The following KSR1 variants were observed in gnomAD, a reference collection of about 807,000 sequenced individuals.
The protein encoded by KSR1 is kinase suppressor of ras.
A neutral mutation model predicts 92.9 loss-of-function variants in KSR1; 35 were observed. The observed-to-expected ratio is 0.38, with a 90% CI of 0.29 to 0.50. The LOEUF (loss-of-function observed/expected upper bound fraction) is 0.50, where lower values mean the gene tolerates loss of function less well. KSR1 is among the 20% of genes least tolerant of loss of function. KSR1 has a pLI of 0.94. For missense variants in KSR1, 972 were observed against 1,158.5 expected (o/e 0.84, Z 2.34); for synonymous variants, 467 against 472.6 (o/e 0.99, Z 0.15).
chr17:27,536,451 C>T lies in KSR1; in HGVS notation c.232-14117C>T, dbSNP rs72847763. 3.7e-3 allele frequency among the ~76,000 whole-genome samples: 563 copies of T among 152,316 alleles called. 2 individuals carry two copies. The highest frequency in any genetic ancestry group is 0.014 in the Middle Eastern group (4 of 294). On this transcript the variant is annotated intron_variant, in intron 1 of 20. Transcript: ENST00000644974. Reference sequence around the variant, plus strand: ...TAACTAAATTACCTTTTGTTCTCATCGTTTGCTGAATTGCAGTGCTTCTTA... The same window carrying T: ...TAACTAAATTACCTTTTGTTCTCATTGTTTGCTGAATTGCAGTGCTTCTTA...
At chr17:27,570,682 G>A (rs1318893963) in intron 2 of KSR1, among the ~76,000 whole-genome samples, 2 of 152,192 alleles carry the variant, frequency 1.3e-5, no homozygotes, top group Non-Finnish European at 2.9e-5. Context: ...TGGGACAGCT[G>A]TGAGTTTGGG....
At chr17:27,477,046 C>G (rs2068368173) in intron 1 of KSR1, among the ~76,000 whole-genome samples, 1 of 152,196 alleles carries the variant, frequency 6.6e-6, no homozygotes, top group Admixed American at 6.5e-5. Flanking sequence ...ATTATTCATG[C>G]CTCACCTTTT....
rs888277704 is a variant in KSR1, at chr17:27,608,960, A to G, written c.2092-236A>G. ...CATGGTTGTTTAGAAGCATGGTAACATTAAAAGAGCATAGACCGGTCTGGG... is the reference window on the plus strand; with the variant it reads ...CATGGTTGTTTAGAAGCATGGTAACGTTAAAAGAGCATAGACCGGTCTGGG... On this transcript the variant is annotated intron_variant, in intron 15 of 20. Transcript: ENST00000644974. Among the ~76,000 whole-genome samples, 4 of 152,236 alleles carry G rather than the reference A, an allele frequency of 2.6e-5. No individual in the cohort carries two copies. The South Asian group carries it at 8.3e-4, about 31-fold the overall frequency.
chr17:27,609,909 G>C (rs574755361), intron 16 of KSR1, 158 bp from the exon 17 acceptor site: 1 of 819,294 alleles, frequency 1.2e-6, no homozygotes, highest in Non-Finnish European at 1.9e-6. Flanking sequence ...AAAAGCACCG[G>C]TGCCTTTCCC....
chr17:27,611,405 T>C (rs1364472912), intron 17 of KSR1, 89 bp from the exon 18 acceptor site: 1 of 1,558,930 alleles, frequency 6.4e-7, no homozygotes, highest in Non-Finnish European at 8.8e-7. Context: ...AGGGTCCTGA[T>C]CCTCTGGCTG....
At chr17:27,594,013 C>G (rs964561172) in intron 9 of KSR1, among the ~76,000 whole-genome samples, 3 of 152,090 alleles carry the variant, frequency 2.0e-5, no homozygotes, top group Non-Finnish European at 4.4e-5. Context: ...GGCTCCAGCT[C>G]CCAGTACCAC....
chr17:27,535,872 A>C (rs572707107), intron 1 of KSR1, among the ~76,000 whole-genome samples: 1 of 152,320 alleles, frequency 6.6e-6, no homozygotes, highest in East Asian at 1.9e-4. Flanking sequence ...GGTAGGAGTC[A>C]GGGCTGAGTT....
intron 9 of KSR1, among the ~76,000 whole-genome samples, chr17:27,596,195 C>T (rs1194565071): frequency 6.6e-6 from 1 of 152,220 alleles, no homozygotes; most frequent in Non-Finnish European, 1.5e-5. Context: ...TAAGCTTCAT[C>T]TGGTTATCAC....
rs563131445 is a variant in KSR1 at position 27,577,633 on chromosome 17, G to A, written c.514G>A (p.Gly172Ser). 1 of 1,570,414 alleles carries A rather than the reference G, an allele frequency of 6.4e-7. No individual in the cohort carries two copies. The highest frequency in any genetic ancestry group is 8.6e-7 in the Non-Finnish European group (1 of 1,163,698). The change falls in exon 3 of 21, where the codon GGC (glycine) becomes AGC (serine). Residue 172 changes from glycine (G) to serine (S), a missense_variant. This residue lies in a region of KSR1 where 611 missense variants were observed against 668.0 expected (regional missense o/e 0.91). Transcript: ENST00000644974. The surrounding 1 kb of genome is among the most constrained non-coding windows in gnomAD (Gnocchi z 4.5). ...YALTCLRKVTGLGGEHKEDSS... is the reference protein window; with the variant it reads ...YALTCLRKVTSLGGEHKEDSS... ...CCTCACCTGCCTGCGGAAGGTGACAGGCCTGGGTACGTGGGGCCTGCCACC... is the reference window on the plus strand; with the variant it reads ...CCTCACCTGCCTGCGGAAGGTGACAAGCCTGGGTACGTGGGGCCTGCCACC...
At chr17:27,599,777 C>T (rs745542461) in intron 10 of KSR1, among the ~76,000 whole-genome samples, 4 of 152,306 alleles carry the variant, frequency 2.6e-5, no homozygotes, top group Non-Finnish European at 5.9e-5. Flanking sequence ...TTTGTAATAA[C>T]ACTTAGCCCA....
At position 27,456,707 on chromosome 17, in the gene KSR1, G is replaced by T. The variant is rs758194810; in HGVS notation, c.64G>T (p.Asp22Tyr). Reference sequence around the variant, plus strand: ...GAAGAAGGAGGGCGGTGGCGGGGGGGATGCGGCGGCCGCGGAGGGAGGCGC... The same window carrying T: ...GAAGAAGGAGGGCGGTGGCGGGGGGTATGCGGCGGCCGCGGAGGGAGGCGC... ...GEKKEGGGGG[D>Y]AAAAEGGAGA... Residue 22 changes from aspartate to tyrosine, a missense_variant, in exon 1 of 21, where the codon GAT becomes TAT. Physicochemically the swap from Asp to Tyr is radical, Grantham distance 160. Around this residue, in one of 5 missense-constraint regions of KSR1, gnomAD observed 36 missense variants for 16.0 expected, o/e 2.25. Transcript: ENST00000644974. The T allele has an allele frequency of 3.4e-6, 3 of 876,552 alleles. No individual in the cohort carries two copies. The highest frequency in any genetic ancestry group is 3.7e-6 in the Non-Finnish European group (2 of 546,754). 54.3% of individuals were successfully genotyped at this position (876,552 alleles called of 1,614,324 possible). A position where few individuals can be genotyped will look rare whatever the true frequency, so the allele number is the denominator to read the frequency against.
intron 1 of KSR1, among the ~76,000 whole-genome samples, chr17:27,500,574 A>C (rs2069143135): frequency 6.6e-6 from 1 of 152,150 alleles, no homozygotes; most frequent in Non-Finnish European, 1.5e-5. Flanking sequence ...ACCACATTTT[A>C]TTTTTAGCTT....
At chr17:27,502,662 G>T (rs184379719) in intron 1 of KSR1, among the ~76,000 whole-genome samples, 126 of 152,312 alleles carry the variant, frequency 8.3e-4, no homozygotes, top group Non-Finnish European at 1.5e-3. Context: ...ATCTTTCTGT[G>T]CTTGCTCACA....
chr17:27,491,322 TG>T (rs1659629393), intron 1 of KSR1, among the ~76,000 whole-genome samples: 1 of 121,044 alleles, frequency 8.3e-6, no homozygotes. Context: ...TGTGTGTGTG[TG>T]TGTGTGTGTG....
chr17:27,582,608 A>T, intron 3 of KSR1, 38 bp from the exon 4 acceptor site: 1 of 1,561,140 alleles, frequency 6.4e-7, no homozygotes, highest in Non-Finnish European at 8.7e-7. Flanking sequence ...AATTCCTTCC[A>T]GCCCTGACCA....
chr17:27,575,467 T>A (rs996036386), intron 2 of KSR1, among the ~76,000 whole-genome samples: 8 of 152,196 alleles, frequency 5.3e-5, no homozygotes, highest in African/African-American at 9.7e-5. Flanking sequence ...AGAGGTCACT[T>A]GGGATACCAT....
chr17:27,584,006 G>A (rs1039773258), intron 4 of KSR1: 8 of 979,512 alleles, frequency 8.2e-6, no homozygotes, highest in Admixed American at 6.2e-5. Context: ...ATATTATTTC[G>A]TTGTATAGTT....
At chr17:27,591,217 C>G (rs2073155389) in intron 7 of KSR1, among the ~76,000 whole-genome samples, 1 of 152,072 alleles carries the variant, frequency 6.6e-6, no homozygotes, top group Non-Finnish European at 1.5e-5. Context: ...ATTTTGTAGC[C>G]CTCGAGAGGT....
intron 2 of KSR1, among the ~76,000 whole-genome samples, chr17:27,564,901 G>T (rs1483830266): frequency 6.6e-6 from 1 of 152,116 alleles, no homozygotes; most frequent in South Asian, 2.1e-4. Context: ...CAGAGATCAT[G>T]TTTCTAGACT....
Sources: allele counts gnomAD v4.1 joint callset (sites outside exome capture counted in the v4.1 genomes callset), GRCh38; gene constraint gnomAD v4.1.1; regional missense constraint gnomAD v4.1.1; non-coding constraint Gnocchi (gnomAD v3.1); transcripts MANE v1.5; gene names NCBI Gene and HGNC (gene_info 2026-07-23, HGNC 2026-07-21).